The following RBMS3 variants were observed in gnomAD, a reference collection of about 807,000 sequenced individuals.
The protein encoded by RBMS3 is RNA binding motif single stranded interacting protein 3.
In RBMS3, 27 loss-of-function variants were observed where a neutral mutation model predicts 66.8. That is an observed-to-expected ratio of 0.40 (90% CI 0.30 to 0.56). The LOEUF (loss-of-function observed/expected upper bound fraction) is 0.56, where lower values mean the gene tolerates loss of function less well. Ranked by LOEUF, RBMS3 falls within the 20% of genes least tolerant of loss-of-function variation. The pLI, the probability that RBMS3 is intolerant of heterozygous loss-of-function variation, is 0.40. For missense variants in RBMS3, 513 were observed against 549.5 expected, an observed-to-expected ratio of 0.93 and a Z score of 0.66; for synonymous variants, 188 against 183.0, an observed-to-expected ratio of 1.03 and a Z score of -0.22.
intron 10 of RBMS3, among the ~76,000 whole-genome samples, chr3:29,905,487 A>G (rs932974996): frequency 5.3e-5 from 8 of 152,084 alleles, no homozygotes; most frequent in African/African-American, 1.9e-4. Context: ...AAATTTTACC[A>G]AAGAAACCCT....
chr3:29,540,599 T>G (rs12636896), intron 3 of RBMS3, among the ~76,000 whole-genome samples: 7,315 of 152,262 alleles, frequency 0.048, 216 homozygotes, highest in South Asian at 0.1. Context: ...TATATTGATA[T>G]AGTAACTCTC....
chr3:29,676,481 C>G (rs191431449), intron 4 of RBMS3, among the ~76,000 whole-genome samples: 75 of 152,310 alleles, frequency 4.9e-4, no homozygotes, highest in African/African-American at 1.8e-3. Context: ...TTACGCCTCT[C>G]TTCCAGTTTC....
chr3:29,318,009 A>T (rs939752932), intron 1 of RBMS3, among the ~76,000 whole-genome samples: 1 of 151,686 alleles, frequency 6.6e-6, no homozygotes, highest in East Asian at 1.9e-4. Flanking sequence ...TCCTGTTCTG[A>T]TTTGTAGGTA....
intron 1 of RBMS3, among the ~76,000 whole-genome samples, chr3:29,363,263 G>A (rs147933886): frequency 6.6e-6 from 1 of 152,168 alleles, no homozygotes; most frequent in Non-Finnish European, 1.5e-5. Context: ...TGCCTGGGAA[G>A]AATTGAAACT....
Position 29,781,738 on chromosome 3 carries a change from G to A in RBMS3, c.637+18749G>A, listed in dbSNP as rs73831026. Among the ~76,000 whole-genome samples, 716 of 152,180 alleles carry A rather than the reference G, an allele frequency of 4.7e-3. 7 individuals are homozygous for A. The highest frequency in any genetic ancestry group is 0.02 in the South Asian group (97 of 4,814). On this transcript the variant is annotated intron_variant, in intron 6 of 14. Transcript: ENST00000383767. ...TGGGGAGGCTAGTGGTCTAGGGCAA[G>A]TTATCAGCCCTGGTCACTGGCTGCC...
intron 3 of RBMS3, among the ~76,000 whole-genome samples, chr3:29,514,956 G>A (rs1373819251): frequency 3.3e-5 from 5 of 151,874 alleles, no homozygotes; most frequent in Admixed American, 1.3e-4. Flanking sequence ...AGATGTCAAC[G>A]TTACCAGCAT....
chr3:29,364,977 C>G (rs1445161925), intron 1 of RBMS3, among the ~76,000 whole-genome samples: 3 of 151,960 alleles, frequency 2.0e-5, no homozygotes, highest in Admixed American at 2.0e-4. Context: ...TTTCCCAGTT[C>G]CTAAGAGCTA....
At chr3:29,347,357 A>G (rs2036635828) in intron 1 of RBMS3, among the ~76,000 whole-genome samples, 1 of 152,216 alleles carries the variant, frequency 6.6e-6, no homozygotes, top group African/African-American at 2.4e-5. Flanking sequence ...ATTTAAAGAT[A>G]TTTAATAAAT....
intron 4 of RBMS3, among the ~76,000 whole-genome samples, chr3:29,686,908 AAGG>A: frequency 6.6e-6 from 1 of 152,154 alleles, no homozygotes; most frequent in Non-Finnish European, 1.5e-5. Flanking sequence ...TATTTTGTTT[AAGG>A]AGGAGGGTCC....
At chr3:29,301,775 G>C (rs1010901750) in intron 1 of RBMS3, among the ~76,000 whole-genome samples, 5 of 151,946 alleles carry the variant, frequency 3.3e-5, no homozygotes, top group South Asian at 2.1e-4. Context: ...TGAAAGACTT[G>C]TTAAAACTGA....
intron 7 of RBMS3, among the ~76,000 whole-genome samples, chr3:29,882,821 T>C (rs542995518): frequency 2.0e-5 from 3 of 152,098 alleles, no homozygotes; most frequent in Non-Finnish European, 4.4e-5. Flanking sequence ...TTTTGTTTTC[T>C]TTAAAATGTC....
intron 4 of RBMS3, among the ~76,000 whole-genome samples, chr3:29,726,165 A>G (rs1420035899): frequency 1.3e-5 from 2 of 152,184 alleles, no homozygotes; most frequent in African/African-American, 4.8e-5. Context: ...ACACCCCTTC[A>G]TGCTAAAAAC....
rs369098480 is a variant in RBMS3 at position 29,721,473 on chromosome 3, G to A, written c.400-18247G>A. Among the ~76,000 whole-genome samples the A allele has an allele frequency of 2.2e-4, 34 of 152,212 alleles. No individual in the cohort carries two copies. The East Asian group carries it at 6.2e-3, about 28-fold the overall frequency. On this transcript the variant is annotated intron_variant, in intron 4 of 14. Transcript: ENST00000383767. The stretch of plus-strand genomic sequence containing the variant: ...TCTTTCACAGGTAATTCTTTGAGTA[G>A]GAGACATTCCTGTGTGTGTAGAATG...
At chr3:29,327,591 T>G (rs2035415167) in intron 1 of RBMS3, among the ~76,000 whole-genome samples, 1 of 152,218 alleles carries the variant, frequency 6.6e-6, no homozygotes, top group Admixed American at 6.5e-5. Flanking sequence ...CTAGCTGAGT[T>G]GGACTTGTGT....
At chr3:29,350,693 CT>C (rs2036858187) in intron 1 of RBMS3, among the ~76,000 whole-genome samples, 1 of 151,982 alleles carries the variant, frequency 6.6e-6, no homozygotes, top group African/African-American at 2.4e-5. Flanking sequence ...ATCTTAGTTT[CT>C]TTTGAATGGT....
rs1339030709 is a variant in RBMS3, at chr3:29,281,130, T to TC, written c.-552_-551insC. On this transcript the variant is annotated 5_prime_UTR_variant, in exon 1 of 15. Coordinates refer to ENST00000383767, the MANE Select transcript of RBMS3 (RefSeq NM_001003793.3). Reference sequence around the variant, plus strand: ...CTGTACAAGGTTTTTTTTTTTTTTTTTTCTTCCTTTTTTTCTTTTTTTTTT... The same window carrying TC: ...CTGTACAAGGTTTTTTTTTTTTTTTTCTTCTTCCTTTTTTTCTTTTTTTTTT... The TC allele has an allele frequency of 3.6e-4, 50 of 140,532 alleles. No individual in the cohort carries two copies. The highest frequency in any genetic ancestry group is 6.3e-4 in the African/African-American group (24 of 38,030). The allele number at this position is 140,532 out of a possible 1,614,324, so 8.7% of individuals were successfully genotyped here.
At chr3:29,378,945 T>C (rs1011207077) in intron 1 of RBMS3, among the ~76,000 whole-genome samples, 1 of 152,236 alleles carries the variant, frequency 6.6e-6, no homozygotes, top group Non-Finnish European at 1.5e-5. Context: ...ATTTGATTTC[T>C]ATAACCTTTG....
At chr3:29,496,207 A>AAG (rs1045760072) in intron 3 of RBMS3, among the ~76,000 whole-genome samples, 1 of 151,232 alleles carries the variant, frequency 6.6e-6, no homozygotes, top group African/African-American at 2.4e-5. Context: ...AAAAAAAAAA[A>AAG]AAAAAAGAAA....
At chr3:29,332,200 T>C (rs767713872) in intron 1 of RBMS3, among the ~76,000 whole-genome samples, 3 of 152,136 alleles carry the variant, frequency 2.0e-5, no homozygotes, top group Non-Finnish European at 2.9e-5. Context: ...TTAAATTTAA[T>C]ACATTTTCTA....
Sources: allele counts gnomAD v4.1 joint callset (sites outside exome capture counted in the v4.1 genomes callset), GRCh38; gene constraint gnomAD v4.1.1; transcripts MANE v1.5; gene names NCBI Gene and HGNC (gene_info 2026-07-23, HGNC 2026-07-21).